Variants in ADAMTSL1 observed in about 807,000 individuals in gnomAD.
The protein encoded by ADAMTSL1 is ADAMTS-like protein 1.
ADAMTSL1 carries 126 observed loss-of-function variants against 201.8 expected under a neutral mutation model. That is an observed-to-expected ratio of 0.62 (90% CI 0.54 to 0.72). The LOEUF is 0.72. Among genes scored for constraint, ADAMTSL1 ranks in the 30% least tolerant of loss-of-function variants. The pLI, the probability that ADAMTSL1 is intolerant of heterozygous loss-of-function variation, is 0.00. For synonymous variants in ADAMTSL1, 1,121 were observed against 903.4 expected, an observed-to-expected ratio of 1.24 and a Z score of -4.32; for missense variants, 2,679 against 2,277.8, an observed-to-expected ratio of 1.18 and a Z score of -3.59.
intron 2 of ADAMTSL1, among the ~76,000 whole-genome samples, chr9:18,195,877 A>T (rs1197358102): frequency 6.6e-6 from 1 of 152,176 alleles, no homozygotes; most frequent in African/African-American, 2.4e-5. Context: ...TTAGATGGCC[A>T]TAGTGAGTGA....
intron 1 of ADAMTSL1, among the ~76,000 whole-genome samples, chr9:17,992,272 G>A (rs1819187924): frequency 6.6e-6 from 1 of 152,138 alleles, no homozygotes; most frequent in Non-Finnish European, 1.5e-5. Flanking sequence ...TCAGAATCCT[G>A]TGCAAGTTTA....
chr9:18,240,091 C>T (rs1831005000), intron 2 of ADAMTSL1, among the ~76,000 whole-genome samples: 1 of 152,172 alleles, frequency 6.6e-6, no homozygotes, highest in South Asian at 2.1e-4. Flanking sequence ...AAGGTGACTC[C>T]TTTCCAGAAG....
chr9:18,080,433 T>C (rs575962011), intron 1 of ADAMTSL1, among the ~76,000 whole-genome samples: 1 of 152,184 alleles, frequency 6.6e-6, no homozygotes, highest in Non-Finnish European at 1.5e-5. Flanking sequence ...GGAGTTGTGA[T>C]TCTATCTCCT....
rs1826373112 is a variant in ADAMTSL1, at chr9:18,849,919, C to G, written c.4249+19942C>G. The stretch of plus-strand genomic sequence containing the variant: ...GGGACTGCAGAAAGCTCTATACATA[C>G]AGTGTAAAACTAAATTGTCATTTCA... On this transcript the variant is annotated intron_variant, in intron 23 of 28. Transcript: ENST00000380548. 2.6e-5 allele frequency among the ~76,000 whole-genome samples: 4 copies of G among 152,096 alleles called. No homozygotes were observed. In the South Asian group the frequency reaches 8.3e-4, roughly 32 times the overall value.
intron 2 of ADAMTSL1, among the ~76,000 whole-genome samples, chr9:18,337,585 G>T (rs569710381): frequency 3.6e-4 from 55 of 152,230 alleles, no homozygotes; most frequent in African/African-American, 1.2e-3. Flanking sequence ...TTAACCCAGG[G>T]TCACACTGCT....
chr9:18,265,647 CTATT>C (rs1163641262), intron 2 of ADAMTSL1, among the ~76,000 whole-genome samples: 1 of 152,050 alleles, frequency 6.6e-6, no homozygotes, highest in Non-Finnish European at 1.5e-5. Flanking sequence ...TTTCTTTTTG[CTATT>C]TATTTTTTAA....
chr9:18,298,695 A>T (rs985939172), intron 2 of ADAMTSL1, among the ~76,000 whole-genome samples: 1 of 151,376 alleles, frequency 6.6e-6, no homozygotes, highest in Non-Finnish European at 1.5e-5. Context: ...AAAGGCTGGA[A>T]GTAAGCAGTT....
At chr9:18,059,472 C>G (rs1243245658) in intron 1 of ADAMTSL1, among the ~76,000 whole-genome samples, 2 of 152,136 alleles carry the variant, frequency 1.3e-5, no homozygotes, top group Admixed American at 6.6e-5. Flanking sequence ...CTGGCATATT[C>G]AAGCCTGGTA....
intron 2 of ADAMTSL1, among the ~76,000 whole-genome samples, chr9:18,205,772 G>A (rs186243833): frequency 2.3e-4 from 35 of 152,116 alleles, no homozygotes; most frequent in Non-Finnish European, 4.1e-4. Context: ...AGCCACGTAC[G>A]GCCAGGCACG....
chr9:18,795,464 A>G lies in ADAMTSL1; in HGVS notation c.3745A>G (p.Thr1249Ala). 1 of 1,613,876 alleles carries G rather than the reference A, an allele frequency of 6.2e-7. No individual in the cohort carries two copies. The highest frequency in any genetic ancestry group is 1.3e-5 in the African/African-American group (1 of 75,024). ...APVEADVGFYTCNATNALGYD... is the reference protein window; with the variant it reads ...APVEADVGFYACNATNALGYD... ...AGTGGAAGCAGATGTGGGTTTCTACACTTGCAATGCCACCAATGCCTTGGG... is the reference window on the plus strand; with the variant it reads ...AGTGGAAGCAGATGTGGGTTTCTACGCTTGCAATGCCACCAATGCCTTGGG... The change falls in exon 20 of 29, where the codon ACT (threonine) becomes GCT (alanine). Residue 1249 changes from threonine (T) to alanine (A), a missense_variant. Physicochemically the swap from Thr to Ala is moderately conservative, Grantham distance 58. Coordinates refer to ENST00000380548, the MANE Select transcript of ADAMTSL1 (RefSeq NM_001040272.6).
In ADAMTSL1 at chr9:18,904,633, C is replaced by CAAAAAAAAAAAAAA. The variant is rs71333072; in HGVS notation, c.4852-1123_4852-1110dup. Among the ~76,000 whole-genome samples, 7 of 15,006 alleles carry CAAAAAAAAAAAAAA rather than the reference C, an allele frequency of 4.7e-4. 3 individuals are homozygous for CAAAAAAAAAAAAAA. The highest frequency in any genetic ancestry group is 6.5e-4 in the African/African-American group (3 of 4,642). 9.8% of individuals were successfully genotyped at this position (15,006 alleles called of 152,430 possible). A position where few individuals can be genotyped will look rare whatever the true frequency, so the allele number is the denominator to read the frequency against. ...TGGGCAACAGAAAGAGACCCTGCCT[C>CAAAAAAAAAAAAAA]AAAAAAAAAAAAAAAAAAAAAAAAA... On this transcript the variant is annotated intron_variant, in intron 26 of 28. Transcript: ENST00000380548.
At chr9:18,291,301 C>A (rs1372962387) in intron 2 of ADAMTSL1, among the ~76,000 whole-genome samples, 4 of 152,122 alleles carry the variant, frequency 2.6e-5, no homozygotes, top group Admixed American at 2.6e-4. Flanking sequence ...CATATTTATT[C>A]ATGAATAAGT....
chr9:18,218,872 C>T (rs1318857487), intron 2 of ADAMTSL1, among the ~76,000 whole-genome samples: 1 of 151,660 alleles, frequency 6.6e-6, no homozygotes, highest in Admixed American at 6.6e-5. Flanking sequence ...ATTATGAAAC[C>T]CTAAAGTTGT....
intron 13 of ADAMTSL1, among the ~76,000 whole-genome samples, chr9:18,705,254 G>C (rs1465892259): frequency 6.6e-6 from 1 of 152,194 alleles, no homozygotes; most frequent in Admixed American, 6.5e-5. Context: ...AGGTTTGCAT[G>C]CCTCTGCAGC....
chr9:18,117,954 T>C (rs1334027492), intron 1 of ADAMTSL1, among the ~76,000 whole-genome samples: 1 of 152,168 alleles, frequency 6.6e-6, no homozygotes, highest in Non-Finnish European at 1.5e-5. Flanking sequence ...ATTTAAAACT[T>C]TAACCTCTTT....
chr9:18,253,823 TCA>T (rs1831563373), intron 2 of ADAMTSL1, among the ~76,000 whole-genome samples: 1 of 152,146 alleles, frequency 6.6e-6, no homozygotes, highest in Non-Finnish European at 1.5e-5. Flanking sequence ...AATCTTAGCT[TCA>T]CACACACTAC....
intron 2 of ADAMTSL1, among the ~76,000 whole-genome samples, chr9:18,424,133 G>C (rs1431101917): frequency 6.6e-6 from 1 of 152,196 alleles, no homozygotes; most frequent in Non-Finnish European, 1.5e-5. Context: ...CCCTCTGTCT[G>C]GGATATTTTA....
intron 1 of ADAMTSL1, among the ~76,000 whole-genome samples, chr9:17,967,643 T>C (rs184767838): frequency 2.0e-3 from 300 of 152,258 alleles, no homozygotes; most frequent in African/African-American, 6.7e-3. Flanking sequence ...TTTTTTGTCA[T>C]CCTACTTTAT....
intron 1 of ADAMTSL1, among the ~76,000 whole-genome samples, chr9:17,991,974 C>T (rs761134854): frequency 7.2e-5 from 11 of 152,062 alleles, no homozygotes; most frequent in Non-Finnish European, 1.5e-4. Flanking sequence ...TCCTAATCAC[C>T]AGGGGCTTGG....
Sources: gnomAD v4.1 joint callset for allele counts (sites outside exome capture counted in the v4.1 genomes callset) on GRCh38, gnomAD v4.1.1 for gene constraint, MANE v1.5 for transcripts, NCBI Gene and HGNC (gene_info 2026-07-23, HGNC 2026-07-21) for gene names.